Variants in CFAP74 observed in about 807,000 individuals in gnomAD.
The protein encoded by CFAP74 is cilia- and flagella-associated protein 74.
In CFAP74, 124 loss-of-function variants were observed where a neutral mutation model predicts 188.9. The ratio of observed to expected loss-of-function variants is 0.66; its 90% CI spans 0.57 to 0.76. The LOEUF (loss-of-function observed/expected upper bound fraction) is 0.76, where lower values mean the gene tolerates loss of function less well. Ranked by LOEUF, CFAP74 falls within the 30% of genes least tolerant of loss-of-function variation. CFAP74 has a pLI of 0.00. For synonymous variants in CFAP74, 956 were observed against 916.7 expected, an observed-to-expected ratio of 1.04 and a Z score of -0.77; for missense variants, 2,198 against 2,165.2, an observed-to-expected ratio of 1.02 and a Z score of -0.30.
At position 1,938,905 on chromosome 1, in the gene CFAP74, G is replaced by A; in HGVS notation, c.2961C>T (p.Thr987=). The change falls in exon 25 of 39, where the codon ACC becomes ACT. Residue 987 remains threonine (T), a synonymous_variant. Coordinates refer to ENST00000682832, the MANE Select transcript of CFAP74 (RefSeq NM_001304360.2). ...TLQFCVIFQP[T]KAEEHRFQLT... Reference sequence around the variant, plus strand: ...GTTGGAATCTGTGTTCCTCGGCCTTGGTGGGCTGGAAGATCACACAGAACT... The same window carrying A: ...GTTGGAATCTGTGTTCCTCGGCCTTAGTGGGCTGGAAGATCACACAGAACT... The A allele has an allele frequency of 2.0e-6, 3 of 1,536,192 alleles. No homozygotes were observed. The highest frequency in any genetic ancestry group is 2.6e-6 in the Non-Finnish European group (3 of 1,146,906).
chr1:1,928,524 G>A (rs919087035), intron 27 of CFAP74, among the ~76,000 whole-genome samples: 2 of 152,178 alleles, frequency 1.3e-5, no homozygotes, highest in East Asian at 3.9e-4. Context: ...TGCACCCCTG[G>A]GTCACAGCCC....
rs1328558669 is a variant in CFAP74 at position 1,926,982 on chromosome 1, G to A, written c.3574C>T (p.Gln1192Ter). ...ACTACAAATGTGTCAAACTTCGCCT[G>A]GAACGCTCTGAGCAGGGTGGCTCGG... ...AARATLLRAF[Q>*]AKFDTFVVPC... Residue 1192 changes from glutamine (Q) to a stop codon, truncating the protein, a stop_gained, in exon 29 of 39, where the codon CAG (glutamine) becomes TAG (stop). Coordinates refer to ENST00000682832, the MANE Select transcript of CFAP74 (RefSeq NM_001304360.2). LOFTEE classifies it high-confidence loss of function. 6.5e-7 allele frequency: 1 copy of A among 1,550,288 alleles called. No individual in the cohort carries two copies. Among genetic ancestry groups the A allele is most frequent in the South Asian group, 1.2e-5 (1 of 84,064 alleles).
At chr1:1,971,400 GTCACACAT>G (rs1272080134) in intron 9 of CFAP74, among the ~76,000 whole-genome samples, 11 of 147,062 alleles carry the variant, frequency 7.5e-5, no homozygotes, top group Non-Finnish European at 1.5e-4. Context: ...TGCACACACG[GTCACACAT>G]GCACACATGC....
At position 1,966,430 on chromosome 1, in the gene CFAP74, C is replaced by T. The variant is rs1655476068; in HGVS notation, c.1342G>A (p.Glu448Lys). Residue 448 changes from glutamate (E) to lysine (K), a missense_variant, in exon 12 of 39, where the codon GAA becomes AAA. Transcript: ENST00000682832. ...QGDPGASSEE[E>K]TLAEPEISGL... is the part of the protein sequence containing the mutation. ...GAGATCTCGGGCTCAGCTAACGTTT[C>T]CTCCTCTGAGCTGGCCCCGGGGTCC... The T allele has an allele frequency of 1.9e-6, 3 of 1,606,284 alleles. No individual in the cohort carries two copies. The highest frequency in any genetic ancestry group is 2.6e-6 in the Non-Finnish European group (3 of 1,175,712).
chr1:1,968,291 C>T lies in CFAP74; in HGVS notation c.1245+344G>A, dbSNP rs996121333. On this transcript the variant is annotated intron_variant, in intron 11 of 38. Coordinates refer to ENST00000682832, the MANE Select transcript of CFAP74 (RefSeq NM_001304360.2). The surrounding 1 kb of genome is among the most constrained non-coding windows in gnomAD (Gnocchi z 4.3). ...CGGCTGTGCACATCTCCCTGGCAGG[C>T]GGCTGACCCAGCTCTACAGGGCCAG... is the stretch of plus-strand genomic sequence containing the variant. Among the ~76,000 whole-genome samples, 6 of 152,166 alleles carry T rather than the reference C, an allele frequency of 3.9e-5. No individual in the cohort carries two copies. The highest frequency in any genetic ancestry group is 1.9e-4 in the East Asian group (1 of 5,196).
chr1:1,979,804 C>T (rs71511318), intron 6 of CFAP74, among the ~76,000 whole-genome samples: 35,632 of 91,608 alleles, frequency 0.39, 13,471 homozygotes, highest in African/African-American at 0.81. Context: ...CGTCACATGA[C>T]GAAGCTGCGC....
chr1:1,947,666 T>G (rs1653863163), intron 18 of CFAP74, among the ~76,000 whole-genome samples: 1 of 152,238 alleles, frequency 6.6e-6, no homozygotes, highest in African/African-American at 2.4e-5. Flanking sequence ...GCATTCTCCT[T>G]TGGCCTCTGT....
intron 37 of CFAP74, 59 bp from the exon 38 acceptor site, chr1:1,922,782 G>A: frequency 6.4e-7 from 1 of 1,565,562 alleles, no homozygotes; most frequent in Non-Finnish European, 8.6e-7. Flanking sequence ...GAAGCAGTGG[G>A]ACTAGGGGTG....
intron 25 of CFAP74, among the ~76,000 whole-genome samples, chr1:1,936,658 C>T (rs1371969436): frequency 6.6e-6 from 1 of 152,180 alleles, no homozygotes; most frequent in Non-Finnish European, 1.5e-5. Context: ...CATCCCAGCA[C>T]GTTGGGAGGC....
intron 4 of CFAP74, 128 bp downstream of exon 4, chr1:1,988,384 G>C: frequency 8.9e-7 from 1 of 1,128,070 alleles, no homozygotes; most frequent in South Asian, 1.4e-5. Flanking sequence ...CCTCCATGGA[G>C]ACCCTGTGCG....
chr1:1,924,384 C>CCCG lies in CFAP74; in HGVS notation c.4234+6_4234+7insCGG. The CCCG allele has an allele frequency of 1.1e-6, 1 of 918,832 alleles. No homozygotes were observed. The highest frequency in any genetic ancestry group is 3.0e-5 in the African/African-American group (1 of 33,146). The allele number at this position is 918,832 out of a possible 1,614,324, so 56.9% of individuals were successfully genotyped here. A position where few individuals can be genotyped will look rare whatever the true frequency, so the allele number is the denominator to read the frequency against. Reference sequence around the variant, plus strand: ...AGCTCACCACCCACCCCCCACCCCCCGCTCACCGACCACCTCCGTCCTCTG... The same window carrying CCCG: ...AGCTCACCACCCACCCCCCACCCCCCCCGGCTCACCGACCACCTCCGTCCTCTG... On this transcript the variant is annotated splice_region_variant and intron_variant, in intron 34 of 38. Coordinates refer to ENST00000682832, the MANE Select transcript of CFAP74 (RefSeq NM_001304360.2).
At chr1:1,957,264 C>T (rs1321524090) in intron 16 of CFAP74, among the ~76,000 whole-genome samples, 4 of 152,202 alleles carry the variant, frequency 2.6e-5, no homozygotes, top group South Asian at 2.1e-4. Flanking sequence ...GATGCAGGCC[C>T]GGGCCATACC....
At chr1:1,950,315 C>CATCT (rs1028732240) in intron 18 of CFAP74, among the ~76,000 whole-genome samples, 2 of 151,334 alleles carry the variant, frequency 1.3e-5, no homozygotes, top group African/African-American at 4.9e-5. Context: ...TCTGGTGAAG[C>CATCT]ATCTGTTCAG....
intron 12 of CFAP74, 47 bp from the exon 13 acceptor site, chr1:1,965,108 GGGCGGCGCCGGTGGCAGCTC>G: frequency 6.4e-7 from 1 of 1,572,736 alleles, no homozygotes. Flanking sequence ...GGCTCCACCT[GGGCGGCGCCGGTGGCAGCTC>G]GGAGGCGAGG....
chr1:1,945,121 T>C (rs2261279), intron 20 of CFAP74, among the ~76,000 whole-genome samples: 62,096 of 151,396 alleles, frequency 0.41, 14,369 homozygotes, highest in Admixed American at 0.53. Flanking sequence ...GCCTGGGCAG[T>C]GTGGTGAGAC....
At chr1:1,941,908 C>A in intron 22 of CFAP74, 120 bp downstream of exon 22, 1 of 1,112,876 alleles carries the variant, frequency 9.0e-7, no homozygotes, top group Non-Finnish European at 1.2e-6. Flanking sequence ...CAGAACACAT[C>A]CCTGGAGGCT....
At chr1:1,957,259 A>G (rs1202994883) in intron 16 of CFAP74, among the ~76,000 whole-genome samples, 2 of 152,224 alleles carry the variant, frequency 1.3e-5, no homozygotes, top group African/African-American at 4.8e-5. Context: ...CTAAGGATGC[A>G]GGCCCGGGCC....
chr1:1,963,722 C>G, intron 14 of CFAP74, 27 bp downstream of exon 14: 1 of 1,464,942 alleles, frequency 6.8e-7, no homozygotes, highest in Non-Finnish European at 9.6e-7. Flanking sequence ...TGCACCGCGT[C>G]CCTCCCTGTC....
intron 18 of CFAP74, among the ~76,000 whole-genome samples, chr1:1,948,538 G>GGC (rs1160082610): frequency 2.0e-5 from 3 of 150,366 alleles, no homozygotes; most frequent in African/African-American, 7.4e-5. Flanking sequence ...GGGATTATAG[G>GGC]CATGAGCTAC....
Sources: allele counts gnomAD v4.1 joint callset (sites outside exome capture counted in the v4.1 genomes callset), GRCh38; gene constraint gnomAD v4.1.1; non-coding constraint Gnocchi (gnomAD v3.1); transcripts MANE v1.5; gene names NCBI Gene and HGNC (gene_info 2026-07-23, HGNC 2026-07-21).